The following ITGB3 variants were observed in gnomAD, a reference collection of about 807,000 sequenced individuals.
ITGB3 encodes integrin subunit beta 3, also known as integrin beta-3.
Under a neutral mutation model 85.8 loss-of-function variants are expected in ITGB3, and 48 were observed. The ratio of observed to expected loss-of-function variants is 0.56; its 90% CI spans 0.44 to 0.71. ITGB3 has a LOEUF of 0.71. ITGB3 is among the 30% of genes least tolerant of loss of function. The pLI is 0.00. For synonymous variants in ITGB3, 363 were observed against 395.6 expected, an observed-to-expected ratio of 0.92 and a Z score of 0.98; for missense variants, 861 against 1,019.1, an observed-to-expected ratio of 0.84 and a Z score of 2.11.
At chr17:47,262,953 G>A (rs538508791) in intron 1 of ITGB3, among the ~76,000 whole-genome samples, 5 of 152,294 alleles carry the variant, frequency 3.3e-5, no homozygotes, top group South Asian at 2.1e-4. Flanking sequence ...TGGAGTCTCC[G>A]GTGCTTGGCC....
intron 14 of ITGB3, among the ~76,000 whole-genome samples, chr17:47,309,397 A>G (rs1450684674): frequency 6.6e-6 from 1 of 152,172 alleles, no homozygotes; most frequent in African/African-American, 2.4e-5. Flanking sequence ...ATTAATAATT[A>G]TTTGAGCAAA....
At chr17:47,268,008 A>G (rs1439079416) in intron 1 of ITGB3, among the ~76,000 whole-genome samples, 1 of 152,228 alleles carries the variant, frequency 6.6e-6, no homozygotes, top group African/African-American at 2.4e-5. Flanking sequence ...GGAAGCAAAC[A>G]CGTCCTTCTT....
rs551971493 is a variant in ITGB3, at chr17:47,277,201, G to A, written c.165+2697G>A. 1.2e-4 allele frequency among the ~76,000 whole-genome samples: 18 copies of A among 152,302 alleles called. No homozygotes were observed. In the East Asian group the frequency reaches 1.3e-3, roughly 11 times the overall value. On this transcript the variant is annotated intron_variant, in intron 2 of 14. Transcript: ENST00000559488. ...CGGGCTTTATACAGAGACTCAACGC[G>A]TAGTCTTAGTCTCAACAGTGACATG...
intron 13 of ITGB3, among the ~76,000 whole-genome samples, chr17:47,306,481 T>A (rs2065188387): frequency 6.6e-6 from 1 of 152,210 alleles, no homozygotes; most frequent in Admixed American, 6.5e-5. Flanking sequence ...CCTCACTATG[T>A]TGCCCAGGCT....
intron 2 of ITGB3, among the ~76,000 whole-genome samples, chr17:47,277,787 G>A (rs2065069109): frequency 6.6e-6 from 1 of 152,178 alleles, no homozygotes; most frequent in Non-Finnish European, 1.5e-5. Flanking sequence ...GGTGACAGAG[G>A]AAGAAGGAGT....
At chr17:47,269,213 T>G (rs1045083897) in intron 1 of ITGB3, among the ~76,000 whole-genome samples, 1 of 152,252 alleles carries the variant, frequency 6.6e-6, no homozygotes, top group African/African-American at 2.4e-5. Context: ...GGGGCTACCA[T>G]GAAGGTCTCT....
chr17:47,269,162 A>C (rs2065035726), intron 1 of ITGB3, among the ~76,000 whole-genome samples: 1 of 152,196 alleles, frequency 6.6e-6, no homozygotes, highest in Non-Finnish European at 1.5e-5. Context: ...CCAGCCCAGG[A>C]AACCATTTTT....
chr17:47,290,793 AG>A (rs1598693665), intron 8 of ITGB3, among the ~76,000 whole-genome samples, 160 bp from the exon 9 acceptor site: 1 of 152,140 alleles, frequency 6.6e-6, no homozygotes, highest in South Asian at 2.1e-4. Flanking sequence ...ACAGAGTCCT[AG>A]GGGTGCTCCG....
intron 10 of ITGB3, 77 bp downstream of exon 10, chr17:47,292,645 A>G: frequency 2.0e-6 from 3 of 1,492,124 alleles, no homozygotes; most frequent in South Asian, 2.3e-5. Flanking sequence ...AACATAGGTG[A>G]AGGCCTGAGA....
chr17:47,300,452 T>TAATCACTG, intron 11 of ITGB3, 26 bp from the exon 12 acceptor site: 1 of 1,572,668 alleles, frequency 6.4e-7, no homozygotes, highest in Non-Finnish European at 8.8e-7. Flanking sequence ...TTCTTTGCCT[T>TAATCACTG]AATCACTGTG....
chr17:47,280,506 A>G (rs933721437), intron 2 of ITGB3, among the ~76,000 whole-genome samples: 1 of 152,114 alleles, frequency 6.6e-6, no homozygotes, highest in African/African-American at 2.4e-5. Flanking sequence ...CCAGGTGTGC[A>G]CTACCATGCC....
chr17:47,289,446 C>A (rs1335073149), intron 6 of ITGB3, among the ~76,000 whole-genome samples: 1 of 152,052 alleles, frequency 6.6e-6, no homozygotes, highest in Non-Finnish European at 1.5e-5. Context: ...CCTCAGCCTC[C>A]CCAGTAGCTA....
At position 47,273,571 on chromosome 17, in the gene ITGB3, T is replaced by A. The variant is rs1253344501; in HGVS notation, c.80-848T>A. Among the ~76,000 whole-genome samples the A allele has an allele frequency of 2.6e-5, 4 of 152,346 alleles. No homozygotes were observed. In the East Asian group the frequency reaches 5.8e-4, roughly 22 times the overall value. ...CCTCCTCGTAGCCTTTGCTCTGTCC[T>A]TTGACAGTATGAGGACTGTTCACAT... On this transcript the variant is annotated intron_variant, in intron 1 of 14. Transcript: ENST00000559488.
chr17:47,290,083 C>T (rs2065119133), intron 7 of ITGB3, 102 bp from the exon 8 acceptor site: 1 of 904,724 alleles, frequency 1.1e-6, no homozygotes, highest in South Asian at 1.3e-5. Context: ...CCGTACCTTC[C>T]TCCAATCTTC....
chr17:47,265,437 C>T (rs1263865838), intron 1 of ITGB3, among the ~76,000 whole-genome samples: 2 of 152,178 alleles, frequency 1.3e-5, no homozygotes, highest in African/African-American at 4.8e-5. Flanking sequence ...TTCCTCCTTC[C>T]TATCTTCTGG....
intron 10 of ITGB3, among the ~76,000 whole-genome samples, chr17:47,293,580 C>G (rs1000866063): frequency 1.3e-5 from 2 of 151,732 alleles, no homozygotes; most frequent in Non-Finnish European, 2.9e-5. Context: ...TGGGGATGAC[C>G]CTTGACTCAG....
At chr17:47,309,636 G>A (rs1320209347) in intron 14 of ITGB3, among the ~76,000 whole-genome samples, 4 of 152,168 alleles carry the variant, frequency 2.6e-5, no homozygotes, top group East Asian at 1.9e-4. Flanking sequence ...GCTCATGCCT[G>A]TAATTCCAGC....
At chr17:47,272,309 CT>C (rs1010123597) in intron 1 of ITGB3, among the ~76,000 whole-genome samples, 44 of 152,186 alleles carry the variant, frequency 2.9e-4, no homozygotes, top group African/African-American at 1.1e-3. Flanking sequence ...CGGTCTCGGC[CT>C]CCCAAAGTGC....
rs1286557894 is a variant in ITGB3, at chr17:47,253,869, C to T, written c.8C>T (p.Ala3Val). The change falls in exon 1 of 15, where the codon GCG (alanine) becomes GTG (valine). Residue 3 changes from alanine (A) to valine (V), a missense_variant. Coordinates refer to ENST00000559488, the MANE Select transcript of ITGB3 (RefSeq NM_000212.3). ...CCGCGGGAGGCGGACGAGATGCGAG[C>T]GCGGCCGCGGCCCCGGCCGCTCTGG... Reference protein sequence around the residue: MRARPRPRPLWAT... With the variant: MRVRPRPRPLWAT... 3 of 1,240,912 alleles carry T rather than the reference C, an allele frequency of 2.4e-6. No homozygotes were observed. Among genetic ancestry groups the T allele is most frequent in the Non-Finnish European group, 3.0e-6 (3 of 993,258 alleles). 76.9% of individuals were successfully genotyped at this position (1,240,912 alleles called of 1,614,324 possible). A position where few individuals can be genotyped will look rare whatever the true frequency, so the allele number is the denominator to read the frequency against.
Sources: gnomAD v4.1 joint callset for allele counts (sites outside exome capture counted in the v4.1 genomes callset) on GRCh38, gnomAD v4.1.1 for gene constraint, MANE v1.5 for transcripts, NCBI Gene and HGNC (gene_info 2026-07-23, HGNC 2026-07-21) for gene names.